The following ECE1 variants were observed in gnomAD, a reference collection of about 807,000 sequenced individuals.
The protein encoded by ECE1 is endothelin converting enzyme 1.
Under a neutral mutation model 98.6 loss-of-function variants are expected in ECE1, and 35 were observed. The observed-to-expected ratio is 0.35, with a 90% CI of 0.27 to 0.47. The LOEUF (loss-of-function observed/expected upper bound fraction) is 0.47, where lower values mean the gene tolerates loss of function less well. Ranked by LOEUF, ECE1 falls within the 20% of genes least tolerant of loss-of-function variation. ECE1 has a pLI of 1.00. For synonymous variants in ECE1, 394 were observed against 407.1 expected, an observed-to-expected ratio of 0.97 and a Z score of 0.39; for missense variants, 814 against 1,025.3, an observed-to-expected ratio of 0.79 and a Z score of 2.81.
intron 2 of ECE1, 103 bp downstream of exon 2, chr1:21,289,966 GA>G (rs1330445995): frequency 8.1e-7 from 1 of 1,235,508 alleles, no homozygotes; most frequent in Non-Finnish European, 1.0e-6. Context: ...GAGGGGAAGG[GA>G]GGGGAAGAGG....
At chr1:21,231,608 C>T (rs1028987812) in intron 14 of ECE1, among the ~76,000 whole-genome samples, 1 of 152,104 alleles carries the variant, frequency 6.6e-6, no homozygotes, top group Non-Finnish European at 1.5e-5. Context: ...TCCCAAAGTA[C>T]TGGGATTACC....
chr1:21,335,321 G>C (rs1050409604), intron 1 of ECE1, among the ~76,000 whole-genome samples: 1 of 152,078 alleles, frequency 6.6e-6, no homozygotes, highest in African/African-American at 2.4e-5. Flanking sequence ...TTCTTCTCTC[G>C]GAGCGATCCT....
chr1:21,335,970 G>A (rs955305496), intron 1 of ECE1, among the ~76,000 whole-genome samples: 2 of 152,226 alleles, frequency 1.3e-5, no homozygotes, highest in Non-Finnish European at 2.9e-5. Context: ...GAAGCCCAAA[G>A]CCCAGGGTCT....
In ECE1 at chr1:21,238,121, G is replaced by C. The variant is rs777175099; in HGVS notation, c.1389+13C>G. 6.8e-6 allele frequency: 11 copies of C among 1,611,928 alleles called. No homozygotes were observed. The East Asian group carries it at 1.1e-4, about 16-fold the overall frequency. The stretch of plus-strand genomic sequence containing the variant: ...GTGACCTCACAGCCTGTGTCCACGG[G>C]GAAGGCACTTACTATGCTCTTGCTG... On this transcript the variant is annotated intron_variant, in intron 11 of 18. Transcript: ENST00000374893.
chr1:21,265,804 G>T (rs565437168), intron 4 of ECE1, among the ~76,000 whole-genome samples: 18 of 152,274 alleles, frequency 1.2e-4, no homozygotes, highest in African/African-American at 4.3e-4. Context: ...AAGATTTCAT[G>T]GAGGCAAAGA....
chr1:21,248,174 T>C (rs1382294839), intron 8 of ECE1, among the ~76,000 whole-genome samples: 1 of 143,556 alleles, frequency 7.0e-6, no homozygotes, highest in South Asian at 2.2e-4. Flanking sequence ...TCAGCTCTAC[T>C]TTTTTTTTTT....
chr1:21,295,685 C>T (rs775120062), intron 1 of ECE1, among the ~76,000 whole-genome samples: 4 of 152,208 alleles, frequency 2.6e-5, no homozygotes, highest in Non-Finnish European at 5.9e-5. Context: ...TTTCCTTGTC[C>T]ACATTTTCCA....
chr1:21,263,588 G>C (rs773110374), intron 4 of ECE1, among the ~76,000 whole-genome samples: 1 of 151,928 alleles, frequency 6.6e-6, no homozygotes, highest in Non-Finnish European at 1.5e-5. Context: ...ATCTCTTGAC[G>C]TGTGATCTGC....
Position 21,290,400 on chromosome 1 carries a change from C to A in ECE1, c.15G>T (p.Trp5Cys), listed in dbSNP as rs1274718030. The A allele has an allele frequency of 1.6e-6, 2 of 1,238,018 alleles. No homozygotes were observed. Among genetic ancestry groups the A allele is most frequent in the Admixed American group, 4.2e-5 (1 of 23,898 alleles). 76.7% of individuals were successfully genotyped at this position (1,238,018 alleles called of 1,614,324 possible). Residue 5 changes from tryptophan (W) to cysteine (C), a missense_variant, in exon 1 of 19, where the codon TGG becomes TGT. Around this residue, in one of 3 missense-constraint regions of ECE1, gnomAD observed 257 missense variants for 278.9 expected, o/e 0.92. Transcript: ENST00000374893. This position sits in a 1 kb window ranked among gnomAD's most constrained non-coding sequence, Gnocchi z 7.3. ...ACAGCAGGGCGGACACCGGGGGCGG[C>A]CACACGCCCCGCATGCTGTGCCCCA... Reference protein sequence around the residue: MRGVWPPPVSALLSA... With the variant: MRGVCPPPVSALLSA...
chr1:21,294,853 TCA>T (rs1348091053), upstream of ECE1, among the ~76,000 whole-genome samples: 1 of 152,210 alleles, frequency 6.6e-6, no homozygotes, highest in Non-Finnish European at 1.5e-5. This position sits in a 1 kb window ranked among gnomAD's most constrained non-coding sequence, Gnocchi z 4.2. Flanking sequence ...ACAGCTACTT[TCA>T]CATTGTCTCT....
chr1:21,237,621 ATC>A (rs937101554), intron 11 of ECE1, among the ~76,000 whole-genome samples: 25 of 151,974 alleles, frequency 1.6e-4, no homozygotes, highest in African/African-American at 5.6e-4. Context: ...ATCTCATTTA[ATC>A]TCTCTCTGTG....
chr1:21,258,860 C>T lies in ECE1; in HGVS notation c.616-21G>A. 1 of 1,613,866 alleles carries T rather than the reference C, an allele frequency of 6.2e-7. No homozygotes were observed. The highest frequency in any genetic ancestry group is 1.1e-5 in the South Asian group (1 of 91,068). On this transcript the variant is annotated intron_variant, in intron 5 of 18. Transcript: ENST00000374893. The surrounding 1 kb of genome is among the most constrained non-coding windows in gnomAD (Gnocchi z 4.2). ...CCGAGCTGTGGGGAGGGAGAGCAGGCAGGGAGGTGATGAGGTGGCGGGGAG... is the reference window on the plus strand; with the variant it reads ...CCGAGCTGTGGGGAGGGAGAGCAGGTAGGGAGGTGATGAGGTGGCGGGGAG...
chr1:21,282,588 GAA>G (rs34279756), intron 2 of ECE1, among the ~76,000 whole-genome samples: 8 of 120,166 alleles, frequency 6.7e-5, no homozygotes, highest in Non-Finnish European at 1.1e-4. Context: ...ACGCTGTCTT[GAA>G]AAAAAAAAAA....
At chr1:21,287,458 G>A (rs1448709253) in intron 2 of ECE1, among the ~76,000 whole-genome samples, 3 of 151,922 alleles carry the variant, frequency 2.0e-5, no homozygotes, top group Non-Finnish European at 2.9e-5. Flanking sequence ...CCTGGGAGGC[G>A]GAGGTTGCAG....
Position 21,307,452 on chromosome 1 carries a change from C to T in ECE1, c.4-17296G>A, listed in dbSNP as rs975888675. Among the ~76,000 whole-genome samples, 2 of 152,288 alleles carry T rather than the reference C, an allele frequency of 1.3e-5. No individual in the cohort carries two copies. The highest frequency in any genetic ancestry group is 1.3e-4 in the Admixed American group (2 of 15,298). On this transcript the variant is annotated intron_variant, in intron 1 of 18. Transcript: ENST00000415912. This position sits in a 1 kb window ranked among gnomAD's most constrained non-coding sequence, Gnocchi z 4.2. ...CGGGGGTTATGAGCATCTAGTGAGA[C>T]ACCACTAGAGTCTGTGTAAAGTGCC...
chr1:21,345,133 G>A lies in ECE1; in HGVS notation c.3+243C>T. 3.1e-6 allele frequency: 1 copy of A among 320,490 alleles called. No homozygotes were observed. Among genetic ancestry groups the A allele is most frequent in the Admixed American group, 5.5e-5 (1 of 18,226 alleles). The allele number at this position is 320,490 out of a possible 1,614,324, so 19.9% of individuals were successfully genotyped here. ...CCCCGAGCCCCCCACATCCGGCTGG[G>A]ACCAGAACCAAGCTCGGCGCGGCCG... On this transcript the variant is annotated intron_variant, in intron 1 of 18. Coordinates refer to the ECE1 transcript ENST00000415912. This position sits in a 1 kb window ranked among gnomAD's most constrained non-coding sequence, Gnocchi z 5.1.
intron 1 of ECE1, among the ~76,000 whole-genome samples, chr1:21,341,051 A>C (rs1569795212): frequency 2.9e-5 from 4 of 139,600 alleles, no homozygotes; most frequent in Non-Finnish European, 4.6e-5. Flanking sequence ...GCCCCCCAAC[A>C]CTCTTCCCAG....
rs573780683 is a variant in ECE1, at chr1:21,223,323, CTG to C, written c.2041-1483_2041-1482del. Among the ~76,000 whole-genome samples, 17 of 152,080 alleles carry C rather than the reference CTG, an allele frequency of 1.1e-4. No homozygotes were observed. In the East Asian group the frequency reaches 3.3e-3, roughly 29 times the overall value. ...TATTTTTTTGAAACAGAGTCTCGCT[CTG>C]TCACCCAGACTGGAGTGCAGTGGCA... On this transcript the variant is annotated intron_variant, in intron 17 of 18. Transcript: ENST00000374893.
At chr1:21,241,233 G>A (rs71636969) in intron 10 of ECE1, among the ~76,000 whole-genome samples, 3,894 of 151,580 alleles carry the variant, frequency 0.026, 86 homozygotes, top group Non-Finnish European at 0.034. Flanking sequence ...ACAAGGTTTC[G>A]CCATGTTGGC....
Sources: allele counts gnomAD v4.1 joint callset (sites outside exome capture counted in the v4.1 genomes callset), GRCh38; gene constraint gnomAD v4.1.1; regional missense constraint gnomAD v4.1.1; non-coding constraint Gnocchi (gnomAD v3.1); transcripts MANE v1.5; gene names NCBI Gene and HGNC (gene_info 2026-07-23, HGNC 2026-07-21).